TDRD7: variants seen among roughly 807,000 people sequenced by gnomAD.
The protein encoded by TDRD7 is tudor domain-containing protein 7.
In TDRD7, 47 loss-of-function variants were observed where a neutral mutation model predicts 109.8. The observed-to-expected ratio is 0.43, with a 90% CI of 0.34 to 0.55. The LOEUF (loss-of-function observed/expected upper bound fraction) is 0.55. Ranked by LOEUF, TDRD7 falls within the 20% of genes least tolerant of loss-of-function variation. The pLI, the probability that TDRD7 is intolerant of heterozygous loss-of-function variation, is 0.03. For missense variants in TDRD7, 1,164 were observed against 1,319.2 expected (o/e 0.88, Z 1.82); for synonymous variants, 424 against 457.3 (o/e 0.93, Z 0.93).
chr9:97,472,537 A>T, intron 10 of TDRD7, 42 bp downstream of exon 10: 1 of 1,493,190 alleles, frequency 6.7e-7, no homozygotes, highest in Non-Finnish European at 9.3e-7. Flanking sequence ...CACATTTTGT[A>T]TGAGAGAAAA....
At position 97,439,350 on chromosome 9, in the gene TDRD7, T is replaced by C. The variant is rs202077802; in HGVS notation, c.637+32T>C. 474 of 1,569,538 alleles carry C rather than the reference T, an allele frequency of 3.0e-4. 4 individuals carry two copies. The highest frequency in any genetic ancestry group is 3.3e-4 in the Admixed American group (20 of 59,854). The stretch of plus-strand genomic sequence containing the variant: ...TTTCCAAACATTTTTGAGATACATA[T>C]TGGCTTCCGGAGTCAAGAAACATAT... On this transcript the variant is annotated intron_variant, in intron 5 of 16. Transcript: ENST00000355295.
rs1196137548 is a variant in TDRD7, at chr9:97,483,293, G to A, written c.2857G>A (p.Glu953Lys). Residue 953 changes from glutamate (E) to lysine (K), a missense_variant, in exon 15 of 17, where the codon GAA becomes AAA. Around this residue, in one of 5 missense-constraint regions of TDRD7, gnomAD observed 162 missense variants for 222.5 expected, o/e 0.73. Coordinates refer to ENST00000355295, the MANE Select transcript of TDRD7 (RefSeq NM_014290.3). ...GATGATTCTATATTACAGCGTGTCT[G>A]AAGAGCGCCACATAGCAGTGGAGAA... is the stretch of plus-strand genomic sequence containing the variant. Reference protein sequence around the residue: ...EEMILYYSVSEERHIAVEKDQ... With the variant: ...EEMILYYSVSKERHIAVEKDQ... The A allele has an allele frequency of 6.2e-7, 1 of 1,614,164 alleles. No homozygotes were observed. The highest frequency in any genetic ancestry group is 8.5e-7 in the Non-Finnish European group (1 of 1,180,030).
rs112429378 is a variant in TDRD7, at chr9:97,455,653, T to G, written c.856-4525T>G. ...TCCATGTTAAAAACTCTGAATAAACTACGTATTGATGGAACATACCTCAAA... is the reference window on the plus strand; with the variant it reads ...TCCATGTTAAAAACTCTGAATAAACGACGTATTGATGGAACATACCTCAAA... On this transcript the variant is annotated intron_variant, in intron 6 of 16. Coordinates refer to ENST00000355295, the MANE Select transcript of TDRD7 (RefSeq NM_014290.3). Among the ~76,000 whole-genome samples the G allele has an allele frequency of 8.2e-3, 1,253 of 152,324 alleles. 42 individuals carry two copies. In the East Asian group the frequency reaches 0.11, roughly 13 times the overall value.
intron 6 of TDRD7, among the ~76,000 whole-genome samples, chr9:97,453,589 C>G (rs1252619479): frequency 6.6e-6 from 1 of 151,922 alleles, no homozygotes; most frequent in Admixed American, 6.6e-5. Flanking sequence ...GAACCCTTTT[C>G]CCCCAGCCAA....
intron 16 of TDRD7, among the ~76,000 whole-genome samples, chr9:97,489,878 T>G (rs757759717): frequency 2.6e-5 from 4 of 152,184 alleles, no homozygotes; most frequent in Non-Finnish European, 5.9e-5. Flanking sequence ...TTAGAACTAA[T>G]CCATGTCTAC....
intron 1 of TDRD7, among the ~76,000 whole-genome samples, chr9:97,425,325 C>T (rs1194652567): frequency 6.6e-6 from 1 of 152,088 alleles, no homozygotes; most frequent in Non-Finnish European, 1.5e-5. Flanking sequence ...AATCATTTGT[C>T]CTGTAAGATT....
At chr9:97,444,659 C>T (rs942652085) in intron 6 of TDRD7, among the ~76,000 whole-genome samples, 5 of 152,140 alleles carry the variant, frequency 3.3e-5, no homozygotes, top group Admixed American at 3.3e-4. Flanking sequence ...CTCTATATGG[C>T]TTGTCATGTA....
At chr9:97,427,569 C>A (rs1259684270) in intron 1 of TDRD7, among the ~76,000 whole-genome samples, 1 of 152,218 alleles carries the variant, frequency 6.6e-6, no homozygotes. Flanking sequence ...GTTCTATAAG[C>A]ATTCCAACTT....
At chr9:97,475,339 C>G (rs41281942) in intron 11 of TDRD7, 44 bp from the exon 12 acceptor site, 63 of 1,459,222 alleles carry the variant, frequency 4.3e-5, no homozygotes, top group Non-Finnish European at 5.4e-5. Context: ...GCAATATGCT[C>G]TTTGCTAAGA....
At chr9:97,481,954 A>C (rs1161816060) in intron 14 of TDRD7, among the ~76,000 whole-genome samples, 1 of 152,190 alleles carries the variant, frequency 6.6e-6, no homozygotes, top group Non-Finnish European at 1.5e-5. Flanking sequence ...CCCTCTCCGC[A>C]GACCTGTGTT....
In TDRD7 at chr9:97,420,965, T is replaced by C. The variant is rs1287998036; in HGVS notation, c.-6-7495T>C. Among the ~76,000 whole-genome samples the C allele has an allele frequency of 6.6e-5, 10 of 152,190 alleles. No individual in the cohort carries two copies. The South Asian group carries it at 2.1e-3, about 32-fold the overall frequency. ...CTGACCAATATGGTGAAACCCCATA[T>C]CTACCAAAAATACAAAAAAATTAGC... On this transcript the variant is annotated intron_variant, in intron 1 of 16. Coordinates refer to ENST00000355295, the MANE Select transcript of TDRD7 (RefSeq NM_014290.3).
At chr9:97,475,264 G>A in intron 11 of TDRD7, 119 bp from the exon 12 acceptor site, 1 of 781,644 alleles carries the variant, frequency 1.3e-6, no homozygotes, top group Non-Finnish European at 2.3e-6. Context: ...ATCCATTGCT[G>A]GAAGTCTGAC....
intron 6 of TDRD7, among the ~76,000 whole-genome samples, chr9:97,448,491 A>G (rs865774953): frequency 2.6e-5 from 4 of 152,188 alleles, no homozygotes; most frequent in Non-Finnish European, 4.4e-5. Context: ...CAGCTGGTCA[A>G]CCTTTCTGTG....
In TDRD7 at chr9:97,428,610, C is replaced by G. The variant is rs758366279; in HGVS notation, c.145C>G (p.Leu49Val). The G allele has an allele frequency of 1.2e-6, 2 of 1,613,912 alleles. No homozygotes were observed. Among genetic ancestry groups the G allele is most frequent in the Non-Finnish European group, 1.7e-6 (2 of 1,179,960 alleles). Residue 49 changes from leucine (L) to valine (V), a missense_variant, in exon 2 of 17, where the codon CTA becomes GTA. Leu to Val is a conservative substitution (Grantham distance 32). This residue lies in a region of TDRD7 where 101 missense variants were observed against 148.5 expected (regional missense o/e 0.68). Transcript: ENST00000355295. Reference protein sequence around the residue: ...IPFKQLGFPTLEAYLRSVPAV... With the variant: ...IPFKQLGFPTVEAYLRSVPAV... ...CTTCAAACAGCTAGGTTTCCCTACACTAGAAGCCTATCTGAGAAGTGTGCC... is the reference window on the plus strand; with the variant it reads ...CTTCAAACAGCTAGGTTTCCCTACAGTAGAAGCCTATCTGAGAAGTGTGCC...
In TDRD7 at chr9:97,428,561, A is replaced by G. The variant is rs1828044347; in HGVS notation, c.96A>G (p.Arg32=). The G allele has an allele frequency of 6.2e-7, 1 of 1,614,052 alleles. No homozygotes were observed. The highest frequency in any genetic ancestry group is 8.5e-7 in the Non-Finnish European group (1 of 1,179,942). ...VALPRLQGEY[R]SLTGDWIPFK... is the part of the protein sequence containing the mutation. Reference sequence around the variant, plus strand: ...TACCCCGGCTCCAAGGAGAGTACAGATCCTTGACTGGAGACTGGATCCCCT... The same window carrying G: ...TACCCCGGCTCCAAGGAGAGTACAGGTCCTTGACTGGAGACTGGATCCCCT... The change falls in exon 2 of 17, where the codon AGA becomes AGG. Residue 32 remains arginine (R), a synonymous_variant. Coordinates refer to ENST00000355295, the MANE Select transcript of TDRD7 (RefSeq NM_014290.3).
At chr9:97,452,158 G>A (rs1282686696) in intron 6 of TDRD7, among the ~76,000 whole-genome samples, 1 of 152,196 alleles carries the variant, frequency 6.6e-6, no homozygotes, top group East Asian at 1.9e-4. Flanking sequence ...AGGCTGCAGT[G>A]AGTCGAGATT....
At chr9:97,457,785 A>G (rs145622670) in intron 6 of TDRD7, among the ~76,000 whole-genome samples, 84 of 152,306 alleles carry the variant, frequency 5.5e-4, no homozygotes, top group African/African-American at 2.0e-3. Flanking sequence ...CGTACACACT[A>G]TGGAATACCA....
intron 1 of TDRD7, among the ~76,000 whole-genome samples, chr9:97,418,163 G>C (rs1217369599): frequency 2.0e-5 from 3 of 152,144 alleles, no homozygotes; most frequent in Non-Finnish European, 2.9e-5. Context: ...GGAAGTATGT[G>C]TGTGGCATAA....
intron 11 of TDRD7, among the ~76,000 whole-genome samples, chr9:97,475,027 C>G (rs1828992260): frequency 6.6e-6 from 1 of 152,200 alleles, no homozygotes; most frequent in Non-Finnish European, 1.5e-5. Context: ...ACAGACAGCT[C>G]TCGCAACCTC....
Sources: gnomAD v4.1 joint callset for allele counts (sites outside exome capture counted in the v4.1 genomes callset) on GRCh38, gnomAD v4.1.1 for gene constraint, gnomAD v4.1.1 regional missense constraint, MANE v1.5 for transcripts, NCBI Gene and HGNC (gene_info 2026-07-23, HGNC 2026-07-21) for gene names.